TLR8: variants seen among roughly 807,000 people sequenced by gnomAD.
The protein encoded by TLR8 is toll-like receptor 8.
Under a neutral mutation model 18.5 loss-of-function variants are expected in TLR8, and 5 were observed. That is an observed-to-expected ratio of 0.27 (90% CI 0.14 to 0.57). The LOEUF (loss-of-function observed/expected upper bound fraction) is 0.57, where lower values mean the gene tolerates loss of function less well. Ranked by LOEUF, TLR8 falls within the 20% of genes least tolerant of loss-of-function variation. The pLI, the probability that TLR8 is intolerant of heterozygous loss-of-function variation, is 0.92. For missense variants in TLR8, 543 were observed against 769.8 expected (o/e 0.71, Z 3.49); for synonymous variants, 299 against 300.1 (o/e 1.00, Z 0.04).
intron 1 of TLR8, chrX:12,910,544 C>T (rs915662843): frequency 1.1e-6 from 1 of 933,298 alleles, no homozygotes; most frequent in Admixed American, 2.9e-5. Flanking sequence ...GGCAGCGTCC[C>T]TACCTTTGTG....
intron 1 of TLR8, among the ~76,000 whole-genome samples, chrX:12,914,544 T>C (rs995137042): frequency 1.8e-5 from 2 of 111,677 alleles, no homozygotes; most frequent in African/African-American, 6.5e-5. Flanking sequence ...ATCTTCCTGC[T>C]CAGTGAATGA....
In TLR8 at chrX:12,906,662, T is replaced by G; in HGVS notation, c.-45T>G. Reference sequence around the variant, plus strand: ...ACCTCCTGCATAGAGGGTACCATTCTGCGCTGCTGCAAGTTACGGAATGAA... The same window carrying G: ...ACCTCCTGCATAGAGGGTACCATTCGGCGCTGCTGCAAGTTACGGAATGAA... On this transcript the variant is annotated 5_prime_UTR_variant, in exon 1 of 2. Transcript: ENST00000218032. The G allele has an allele frequency of 2.8e-6, 3 of 1,089,371 alleles. No individual in the cohort carries two copies. The highest frequency in any genetic ancestry group is 1.2e-6 in the Non-Finnish European group (1 of 839,285). The allele number at this position is 1,089,371 out of a possible 1,213,427, so 89.8% of individuals were successfully genotyped here. A position where few individuals can be genotyped will look rare whatever the true frequency, so the allele number is the denominator to read the frequency against.
intron 1 of TLR8, among the ~76,000 whole-genome samples, chrX:12,916,507 C>A (rs1259086057): frequency 8.9e-6 from 1 of 112,095 alleles, no homozygotes; most frequent in Non-Finnish European, 1.9e-5. Context: ...AGCCCCGTTG[C>A]CCCTTCCTTT....
intron 1 of TLR8, among the ~76,000 whole-genome samples, chrX:12,917,748 G>A (rs72561732): frequency 0.012 from 1,306 of 112,462 alleles, 9 homozygotes; most frequent in African/African-American, 0.039. Flanking sequence ...AAAGCACCAT[G>A]TGTCTTCCCT....
Position 12,906,694 on chromosome X carries a change from GAAC to G in TLR8, c.-8_-6del, listed in dbSNP as rs767849004. The G allele has an allele frequency of 9.0e-7, 1 of 1,111,648 alleles. No individual in the cohort carries two copies. The highest frequency in any genetic ancestry group is 3.3e-5 in the Admixed American group (1 of 30,236). The allele number at this position is 1,111,648 out of a possible 1,213,427, so 91.6% of individuals were successfully genotyped here. On this transcript the variant is annotated 5_prime_UTR_variant, in exon 1 of 2. Transcript: ENST00000218032. ...CTGCAAGTTACGGAATGAAAAATTA[GAAC>G]AACAGAAACATGGTAAGCCACTTCT...
rs942788666 is a variant in TLR8 at position 12,922,366 on chromosome X, C to G, written c.*200C>G. ...TCTGCTCAGGGTGTCTCAGAGGCTG[C>G]AATGTAGGTGTTCACCAGAGACATA... On this transcript the variant is annotated 3_prime_UTR_variant, in exon 2 of 2. Coordinates refer to ENST00000218032, the MANE Select transcript of TLR8 (RefSeq NM_138636.5). The G allele has an allele frequency of 2.0e-5, 9 of 439,421 alleles. No homozygotes were observed. The highest frequency in any genetic ancestry group is 3.4e-5 in the Non-Finnish European group (9 of 263,343). The allele number at this position is 439,421 out of a possible 1,213,427, so 36.2% of individuals were successfully genotyped here. A position where few individuals can be genotyped will look rare whatever the true frequency, so the allele number is the denominator to read the frequency against.
At chrX:12,908,704 C>T (rs754517420) in intron 1 of TLR8, among the ~76,000 whole-genome samples, 57 of 112,483 alleles carry the variant, frequency 5.1e-4, no homozygotes, top group African/African-American at 1.6e-3. Context: ...AAGCACAGTC[C>T]GTTTTTTTAG....
chrX:12,920,973 G>C lies in TLR8; in HGVS notation c.1933G>C (p.Asp645His), dbSNP rs184806389. ...AGGTCTCAAGAATCTGACACGTCTG[G>C]ATTTATCCCTTAATAGGCTGAAGCA... is the stretch of plus-strand genomic sequence containing the variant. ...FKGLKNLTRL[D>H]LSLNRLKHIP... The change falls in exon 2 of 2, where the codon GAT becomes CAT. Residue 645 changes from aspartate (D) to histidine (H), a missense_variant. Transcript: ENST00000218032. The C allele has an allele frequency of 8.3e-7, 1 of 1,209,614 alleles. No homozygotes were observed. Among genetic ancestry groups the C allele is most frequent in the Non-Finnish European group, 1.1e-6 (1 of 895,029 alleles).
In TLR8 at chrX:12,919,456, A is replaced by G. The variant is rs1276649999; in HGVS notation, c.416A>G (p.Gln139Arg). 1 of 1,211,158 alleles carries G rather than the reference A, an allele frequency of 8.3e-7. No homozygotes were observed. The highest frequency in any genetic ancestry group is 1.7e-5 in the African/African-American group (1 of 57,824). Residue 139 changes from glutamine to arginine, a missense_variant, in exon 2 of 2, where the codon CAA becomes CGA. Coordinates refer to ENST00000218032, the MANE Select transcript of TLR8 (RefSeq NM_138636.5). Reference sequence around the variant, plus strand: ...CTGCTTGAAGACAACCAGTTACCCCAAATACCCTCTGGTTTGCCAGAGTCT... The same window carrying G: ...CTGCTTGAAGACAACCAGTTACCCCGAATACCCTCTGGTTTGCCAGAGTCT... Reference protein sequence around the residue: ...ELLLEDNQLPQIPSGLPESLT... With the variant: ...ELLLEDNQLPRIPSGLPESLT...
chrX:12,911,426 C>G (rs1468701269), intron 1 of TLR8, among the ~76,000 whole-genome samples: 1 of 111,424 alleles, frequency 9.0e-6, no homozygotes, highest in Non-Finnish European at 1.9e-5. Flanking sequence ...ATCTCTCTAG[C>G]CTTCACCTCT....
rs2043092012 is a variant in TLR8 at position 12,921,222 on chromosome X, C to A, written c.2182C>A (p.Pro728Thr). ...GAGTCATAACAGGATTTCCCACCTA[C>A]CCTCTGGCTTTCTTTCTGAAGTCAG... The part of the protein sequence containing the change: ...LLSHNRISHL[P>T]SGFLSEVSSL... The change falls in exon 2 of 2, where the codon CCC (proline) becomes ACC (threonine). Residue 728 changes from proline to threonine, a missense_variant. This residue lies in a region of TLR8 where 227 missense variants were observed against 312.9 expected (regional missense o/e 0.73). Coordinates refer to ENST00000218032, the MANE Select transcript of TLR8 (RefSeq NM_138636.5). The A allele has an allele frequency of 8.3e-7, 1 of 1,210,167 alleles. No homozygotes were observed. The highest frequency in any genetic ancestry group is 2.2e-5 in the Admixed American group (1 of 45,747).
At chrX:12,910,561 C>T in intron 1 of TLR8, 2 of 804,872 alleles carry the variant, frequency 2.5e-6, no homozygotes, top group South Asian at 2.7e-5. Flanking sequence ...TGTGCCCACA[C>T]ATCTGGTCTC....
intron 1 of TLR8, among the ~76,000 whole-genome samples, chrX:12,908,767 T>C (rs1446528478): frequency 8.9e-6 from 1 of 112,474 alleles, no homozygotes; most frequent in Non-Finnish European, 1.9e-5. Flanking sequence ...GCCACCTTGG[T>C]TTGATTTTAG....
rs780625328 is a variant in TLR8, at chrX:12,906,721, C to G, written c.3+12C>G. The G allele has an allele frequency of 2.4e-5, 26 of 1,106,170 alleles. No homozygotes were observed. Among genetic ancestry groups the G allele is most frequent in the Non-Finnish European group, 1.2e-6 (1 of 849,401 alleles). The allele number at this position is 1,106,170 out of a possible 1,213,427, so 91.2% of individuals were successfully genotyped here. ...ACAACAGAAACATGGTAAGCCACTTCTATTTCTTTAGCAAAGCTTTCCAAC... is the reference window on the plus strand; with the variant it reads ...ACAACAGAAACATGGTAAGCCACTTGTATTTCTTTAGCAAAGCTTTCCAAC... On this transcript the variant is annotated intron_variant, in intron 1 of 1. Transcript: ENST00000218032.
chrX:12,913,093 G>A, intron 1 of TLR8, among the ~76,000 whole-genome samples: 1 of 111,858 alleles, frequency 8.9e-6, no homozygotes, highest in Admixed American at 9.5e-5. Flanking sequence ...TTCTCCTTGG[G>A]CCTTTTTAAA....
chrX:12,911,531 C>T (rs2043020905), intron 1 of TLR8, among the ~76,000 whole-genome samples: 1 of 111,647 alleles, frequency 9.0e-6, no homozygotes, highest in Admixed American at 9.5e-5. Flanking sequence ...CACCTTAATT[C>T]AGTAGATCCC....
Position 12,919,898 on chromosome X carries a change from G to A in TLR8, c.858G>A (p.Leu286=). ...TAGATCGTTTTGCTTTTCAAAACTT[G>A]ACCCAACTTCGATACCTAAACCTCT... The part of the protein sequence containing the change: ...INIDRFAFQN[L]TQLRYLNLSS... The change falls in exon 2 of 2, where the codon TTG becomes TTA. Residue 286 remains leucine (L), a synonymous_variant. Coordinates refer to ENST00000218032, the MANE Select transcript of TLR8 (RefSeq NM_138636.5). The A allele has an allele frequency of 8.3e-7, 1 of 1,211,184 alleles. No individual in the cohort carries two copies. Among genetic ancestry groups the A allele is most frequent in the Non-Finnish European group, 1.1e-6 (1 of 895,306 alleles).
At chrX:12,914,990 T>A (rs1458624236) in intron 1 of TLR8, among the ~76,000 whole-genome samples, 2 of 111,483 alleles carry the variant, frequency 1.8e-5, no homozygotes, top group African/African-American at 6.5e-5. Flanking sequence ...ACTAAGAGAG[T>A]CCATTTTAAG....
chrX:12,916,219 T>C lies in TLR8; in HGVS notation c.4-2825T>C, dbSNP rs188371045. Among the ~76,000 whole-genome samples the C allele has an allele frequency of 1.6e-4, 18 of 112,043 alleles. No homozygotes were observed. The East Asian group carries it at 4.7e-3, about 30-fold the overall frequency. On this transcript the variant is annotated intron_variant, in intron 1 of 1. Transcript: ENST00000218032. ...CTCTTCTTAGGCTCTTACAGTGTCA[T>C]GCACTTCTTTTTTATCACAGTGTAA...
Sources: gnomAD v4.1 joint callset for allele counts (sites outside exome capture counted in the v4.1 genomes callset) on GRCh38, gnomAD v4.1.1 for gene constraint, gnomAD v4.1.1 regional missense constraint, MANE v1.5 for transcripts, NCBI Gene and HGNC (gene_info 2026-07-23, HGNC 2026-07-21) for gene names.